ENOX2: variants seen among roughly 807,000 people sequenced by gnomAD.
ENOX2 encodes APK1 antigen.
Under a neutral mutation model 45.0 loss-of-function variants are expected in ENOX2, and 36 were observed. The observed-to-expected ratio is 0.80, with a 90% CI of 0.61 to 1.06. The LOEUF is 1.06. ENOX2 is among the 50% of genes least tolerant of loss of function. The pLI, the probability that ENOX2 is intolerant of heterozygous loss-of-function variation, is 0.00. For missense variants in ENOX2, 423 were observed against 462.5 expected (o/e 0.91, Z 0.78); for synonymous variants, 174 against 152.3 (o/e 1.14, Z -1.05).
intron 9 of ENOX2, 86 bp from the exon 10 acceptor site, chrX:130,656,781 AT>A (rs201093516): frequency 1.2e-3 from 645 of 536,395 alleles, no homozygotes; most frequent in Admixed American, 1.6e-3. Flanking sequence ...ATAAAGCAGC[AT>A]TTTTTTTTGA....
intron 2 of ENOX2, among the ~76,000 whole-genome samples, chrX:130,871,865 G>A (rs184797595): frequency 9.0e-6 from 1 of 111,572 alleles, no homozygotes; most frequent in Admixed American, 9.5e-5. Context: ...ATATGGTTAA[G>A]GGTTAACCTC....
chrX:130,847,546 G>A (rs2078130775), intron 2 of ENOX2, among the ~76,000 whole-genome samples: 1 of 111,603 alleles, frequency 9.0e-6, no homozygotes, highest in Admixed American at 9.5e-5. Flanking sequence ...AGGATCCATA[G>A]AAAAATCAGG....
At chrX:130,848,880 A>G (rs2078158760) in intron 2 of ENOX2, among the ~76,000 whole-genome samples, 1 of 112,237 alleles carries the variant, frequency 8.9e-6, no homozygotes, top group Admixed American at 9.4e-5. Context: ...GAAAGATGAA[A>G]ATCTTTGTCA....
At chrX:130,812,336 T>C (rs1366174571) in intron 2 of ENOX2, among the ~76,000 whole-genome samples, 3 of 111,575 alleles carry the variant, frequency 2.7e-5, no homozygotes, top group Non-Finnish European at 5.7e-5. Context: ...AAATCACATA[T>C]AAGGGAAATT....
chrX:130,627,910 C>CA (rs770447643), intron 14 of ENOX2, 48 bp downstream of exon 14: 169 of 938,526 alleles, frequency 1.8e-4, no homozygotes, highest in East Asian at 1.0e-3. Context: ...CACCTGTTAA[C>CA]AAAAAATCCC....
Position 130,670,145 on chromosome X carries a change from G to C in ENOX2, c.514C>G (p.His172Asp). 1 of 1,211,239 alleles carries C rather than the reference G, an allele frequency of 8.3e-7. No homozygotes were observed. The highest frequency in any genetic ancestry group is 1.1e-6 in the Non-Finnish European group (1 of 895,250). Residue 172 changes from histidine to aspartate, a missense_variant, in exon 7 of 15, where the codon CAC becomes GAC. By Grantham distance (81) the His-to-Asp change is moderately conservative (BLOSUM62 -1). Around this residue, in one of 5 missense-constraint regions of ENOX2, gnomAD observed 261 missense variants for 306.8 expected, o/e 0.85. Transcript: ENST00000394363. ...TCTCGAGCCTGTGCGAAATCAACGTGGAGTCTGCCTGTGTCCTTCTTGTCA... is the reference window on the plus strand; with the variant it reads ...TCTCGAGCCTGTGCGAAATCAACGTCGAGTCTGCCTGTGTCCTTCTTGTCA... Reference protein sequence around the residue: ...STDKKDTGRLHVDFAQARDDL... With the variant: ...STDKKDTGRLDVDFAQARDDL...
intron 2 of ENOX2, among the ~76,000 whole-genome samples, chrX:130,851,562 TAG>T (rs1422885062): frequency 9.1e-6 from 1 of 110,407 alleles, no homozygotes; most frequent in Non-Finnish European, 1.9e-5. Context: ...CTGAGTTGCT[TAG>T]AGAGATATCG....
At chrX:130,760,868 T>C (rs1318342519) in intron 3 of ENOX2, among the ~76,000 whole-genome samples, 2 of 105,407 alleles carry the variant, frequency 1.9e-5, no homozygotes, top group East Asian at 5.9e-4. Context: ...TTTTTTTTTT[T>C]TAAATCATGG....
chrX:130,830,851 C>CTTTA (rs758304461), intron 2 of ENOX2, among the ~76,000 whole-genome samples: 36 of 111,924 alleles, frequency 3.2e-4, no homozygotes, highest in Non-Finnish European at 4.9e-4. Context: ...TCTTGCCCAT[C>CTTTA]TTTAACTCAT....
At chrX:130,892,023 C>A (rs988851540) in intron 2 of ENOX2, among the ~76,000 whole-genome samples, 1 of 111,762 alleles carries the variant, frequency 8.9e-6, no homozygotes, top group Non-Finnish European at 1.9e-5. Flanking sequence ...AGGAAGTAGT[C>A]CCTACCTTGT....
intron 3 of ENOX2, among the ~76,000 whole-genome samples, chrX:130,705,023 T>C (rs1166595740): frequency 8.9e-6 from 1 of 112,476 alleles, no homozygotes; most frequent in African/African-American, 3.2e-5. Context: ...AGAGTTTACA[T>C]AGTGATAATT....
intron 2 of ENOX2, among the ~76,000 whole-genome samples, chrX:130,804,062 T>C (rs2077261585): frequency 9.0e-6 from 1 of 111,394 alleles, no homozygotes; most frequent in South Asian, 3.8e-4. Context: ...AATTGGCTGA[T>C]AGAAGCATCA....
At chrX:130,754,723 CG>C (rs2039313390) in intron 3 of ENOX2, among the ~76,000 whole-genome samples, 1 of 108,251 alleles carries the variant, frequency 9.2e-6, no homozygotes, top group African/African-American at 3.4e-5. Flanking sequence ...ACAATCAACA[CG>C]GGGGATTACA....
intron 3 of ENOX2, among the ~76,000 whole-genome samples, chrX:130,744,965 T>C (rs970031952): frequency 9.0e-6 from 1 of 111,238 alleles, no homozygotes; most frequent in Non-Finnish European, 1.9e-5. Context: ...ATCTAGGGTG[T>C]GTGTTCCTTA....
intron 2 of ENOX2, among the ~76,000 whole-genome samples, chrX:130,828,924 G>A (rs2077769073): frequency 9.0e-6 from 1 of 111,462 alleles, no homozygotes; most frequent in African/African-American, 3.3e-5. Flanking sequence ...GATTGTCTCT[G>A]GTTCTATTAA....
At chrX:130,715,276 G>A (rs1221702290) in intron 3 of ENOX2, among the ~76,000 whole-genome samples, 1 of 111,558 alleles carries the variant, frequency 9.0e-6, no homozygotes, top group African/African-American at 3.3e-5. Context: ...TAAGTCAGGT[G>A]GTAAATCCTG....
chrX:130,900,081 T>C (rs2079119896), intron 2 of ENOX2, among the ~76,000 whole-genome samples: 1 of 112,150 alleles, frequency 8.9e-6, no homozygotes, highest in Non-Finnish European at 1.9e-5. Context: ...CTTCCCACTG[T>C]CATTTTCCTT....
rs58081698 is a variant in ENOX2, at chrX:130,714,527, T to C, written c.-38-11273A>G. Among the ~76,000 whole-genome samples, 512 of 111,809 alleles carry C rather than the reference T, an allele frequency of 4.6e-3. 5 individuals are homozygous for C. Among genetic ancestry groups the C allele is most frequent in the African/African-American group, 0.016 (494 of 30,751 alleles). Reference sequence around the variant, plus strand: ...AAACACAGAGCTTCAGTTTTCTTATTTATAAATAAGAATGATGCCACCCTT... The same window carrying C: ...AAACACAGAGCTTCAGTTTTCTTATCTATAAATAAGAATGATGCCACCCTT... On this transcript the variant is annotated intron_variant, in intron 3 of 14. Coordinates refer to ENST00000394363, the MANE Select transcript of ENOX2 (RefSeq NM_006375.4).
At chrX:130,661,602 A>G (rs1314632352) in intron 9 of ENOX2, among the ~76,000 whole-genome samples, 1 of 112,166 alleles carries the variant, frequency 8.9e-6, no homozygotes, top group Non-Finnish European at 1.9e-5. Context: ...ATTCTGAGAT[A>G]TCATTTAATA....
Sources: gnomAD v4.1 joint callset for allele counts (sites outside exome capture counted in the v4.1 genomes callset) on GRCh38, gnomAD v4.1.1 for gene constraint, gnomAD v4.1.1 regional missense constraint, MANE v1.5 for transcripts, NCBI Gene and HGNC (gene_info 2026-07-23, HGNC 2026-07-21) for gene names.